C12orf42: variants seen among roughly 807,000 people sequenced by gnomAD.
The protein encoded by C12orf42 is uncharacterized protein C12orf42.
In C12orf42, 25 loss-of-function variants were observed where a neutral mutation model predicts 21.6. That is an observed-to-expected ratio of 1.16 (90% confidence interval 0.84 to 1.62). C12orf42 has a LOEUF of 1.62. Among genes scored for constraint, C12orf42 ranks in the 40% most tolerant of loss-of-function variants. The pLI, the probability that C12orf42 is intolerant of heterozygous loss-of-function variation, is 0.00. For missense variants in C12orf42, 483 were observed against 459.3 expected, an observed-to-expected ratio of 1.05 and a Z score of -0.47; for synonymous variants, 174 against 175.0, an observed-to-expected ratio of 0.99 and a Z score of 0.05.
chr12:103,221,615 G>A, the C12orf42 span, among the ~76,000 whole-genome samples: 2 of 152,106 alleles, frequency 1.3e-5, no homozygotes, highest in Admixed American at 6.5e-5. Flanking sequence ...CTAAATGTTA[G>A]TTACTCAAGA....
At chr12:103,524,771 C>T in the C12orf42 span, among the ~76,000 whole-genome samples, 4 of 152,216 alleles carry the variant, frequency 2.6e-5, no homozygotes, top group African/African-American at 4.8e-5. Context: ...CACATAAGTG[C>T]CAAGACAGTT....
downstream of C12orf42, chr12:103,267,515 A>G (rs1022120143): frequency 3.9e-5 from 6 of 152,198 alleles, no homozygotes; most frequent in African/African-American, 1.4e-4. Context: ...TGTGTAAATT[A>G]TAAGCAGACA....
intron 2 of C12orf42, among the ~76,000 whole-genome samples, chr12:103,421,494 A>G (rs1023223123): frequency 6.6e-6 from 1 of 152,060 alleles, no homozygotes; most frequent in Admixed American, 6.6e-5. Context: ...GCATCATTTG[A>G]ATCTGGGAGG....
chr12:103,272,026 G>A (rs2035503849), intron 5 of C12orf42, among the ~76,000 whole-genome samples: 1 of 152,094 alleles, frequency 6.6e-6, no homozygotes, highest in Non-Finnish European at 1.5e-5. Context: ...GAAAGATCTA[G>A]ACTGCTCATT....
At chr12:103,160,529 C>A in the C12orf42 span, among the ~76,000 whole-genome samples, 1 of 152,284 alleles carries the variant, frequency 6.6e-6, no homozygotes, top group South Asian at 2.1e-4. Flanking sequence ...AGGAGTGGGA[C>A]TTGAAATCAC....
chr12:103,351,444 T>A (rs2043092780), intron 4 of C12orf42, among the ~76,000 whole-genome samples: 1 of 152,158 alleles, frequency 6.6e-6, no homozygotes, highest in Non-Finnish European at 1.5e-5. Context: ...CGCAAATTGT[T>A]CATTGCTCAA....
At chr12:103,089,126 A>AAAAAAT in the C12orf42 span, among the ~76,000 whole-genome samples, 1 of 150,446 alleles carries the variant, frequency 6.6e-6, no homozygotes, top group African/African-American at 2.4e-5. Flanking sequence ...AAAAAAAAAG[A>AAAAAAT]ATCAACTCGG....
the C12orf42 span, among the ~76,000 whole-genome samples, chr12:103,152,897 A>G: frequency 1.3e-5 from 2 of 152,246 alleles, no homozygotes; most frequent in African/African-American, 4.8e-5. Flanking sequence ...TTGGCTCAAT[A>G]TTGGAAATCC....
chr12:103,198,894 C>G, the C12orf42 span, among the ~76,000 whole-genome samples: 3 of 152,216 alleles, frequency 2.0e-5, no homozygotes, highest in African/African-American at 4.8e-5. Flanking sequence ...ATGGTCTGGT[C>G]TCTAGGTGGG....
chr12:103,258,418 A>G (rs951320429), intron 10 of C12orf42, among the ~76,000 whole-genome samples: 4 of 152,130 alleles, frequency 2.6e-5, no homozygotes, highest in Non-Finnish European at 5.9e-5. Flanking sequence ...GGAATAAACA[A>G]GTCAAAGACA....
At chr12:103,253,323 T>G (rs1287311418) in intron 10 of C12orf42, among the ~76,000 whole-genome samples, 1 of 152,038 alleles carries the variant, frequency 6.6e-6, no homozygotes, top group East Asian at 1.9e-4. Flanking sequence ...TTAAAGTAGT[T>G]TTTTTCTAAT....
chr12:103,108,457 T>G, the C12orf42 span, among the ~76,000 whole-genome samples: 1 of 152,104 alleles, frequency 6.6e-6, no homozygotes, highest in African/African-American at 2.4e-5. Flanking sequence ...TGTGTATGTG[T>G]GTGTTTATAC....
chr12:103,251,121 G>T (rs2034278476), intron 10 of C12orf42, among the ~76,000 whole-genome samples: 1 of 152,020 alleles, frequency 6.6e-6, no homozygotes, highest in Non-Finnish European at 1.5e-5. Context: ...GCAAACTCAA[G>T]AAGTCATTCC....
At chr12:103,281,103 C>G (rs2036085686) in intron 4 of C12orf42, among the ~76,000 whole-genome samples, 1 of 152,126 alleles carries the variant, frequency 6.6e-6, no homozygotes, top group African/African-American at 2.4e-5. Flanking sequence ...GATTTTCTAA[C>G]CAAGTAATCA....
intron 2 of C12orf42, among the ~76,000 whole-genome samples, chr12:103,447,482 G>C (rs1297451205): frequency 6.6e-6 from 1 of 151,726 alleles, no homozygotes; most frequent in Non-Finnish European, 1.5e-5. Flanking sequence ...CATCCAAACT[G>C]GTAAAAAGGA....
intron 4 of C12orf42, among the ~76,000 whole-genome samples, chr12:103,353,327 C>T (rs1566135019): frequency 6.6e-6 from 1 of 151,598 alleles, no homozygotes; most frequent in Non-Finnish European, 1.5e-5. Context: ...AGTACAAAGA[C>T]TTGAAGGCAC....
At chr12:103,489,524 G>A (rs1369958779) in intron 1 of C12orf42, among the ~76,000 whole-genome samples, 1 of 152,246 alleles carries the variant, frequency 6.6e-6, no homozygotes, top group Non-Finnish European at 1.5e-5. Context: ...AGACGTTACT[G>A]CTGCCTTTTG....
At chr12:103,335,671 T>C (rs567905970) in intron 4 of C12orf42, among the ~76,000 whole-genome samples, 2 of 152,312 alleles carry the variant, frequency 1.3e-5, no homozygotes, top group African/African-American at 4.8e-5. Context: ...CCTAATGCAA[T>C]TCTCAAAGAA....
At chr12:103,052,608 C>T in the C12orf42 span, among the ~76,000 whole-genome samples, 24 of 151,890 alleles carry the variant, frequency 1.6e-4, no homozygotes, top group Non-Finnish European at 2.8e-4. Flanking sequence ...AACTTCTTTA[C>T]GTGTGACTTT....
Sources: allele counts gnomAD v4.1 joint callset (sites outside exome capture counted in the v4.1 genomes callset), GRCh38; gene constraint gnomAD v4.1.1; transcripts MANE v1.5; gene names NCBI Gene and HGNC (gene_info 2026-07-23, HGNC 2026-07-21).